TCF4: variants seen among roughly 807,000 people sequenced by gnomAD.
TCF4 encodes the protein SL3-3 enhancer factor 2.
TCF4 carries 3 observed loss-of-function variants against 82.1 expected under a neutral mutation model. The ratio of observed to expected loss-of-function variants is 0.04; its 90% CI spans 0.02 to 0.09. The LOEUF (loss-of-function observed/expected upper bound fraction) is 0.09, where lower values mean the gene tolerates loss of function less well. Among genes scored for constraint, TCF4 ranks in the 10% least tolerant of loss-of-function variants. TCF4 has a pLI of 1.00. For missense variants in TCF4, 518 were observed against 852.7 expected, an observed-to-expected ratio of 0.61 and a Z score of 4.89; for synonymous variants, 276 against 309.6, an observed-to-expected ratio of 0.89 and a Z score of 1.14.
chr18:55,534,187 G>A (rs2097095268), intron 3 of TCF4, among the ~76,000 whole-genome samples: 1 of 152,158 alleles, frequency 6.6e-6, no homozygotes, highest in African/African-American at 2.4e-5. Flanking sequence ...AAAAAGCAAA[G>A]GTGTCACTAT....
intron 5 of TCF4, among the ~76,000 whole-genome samples, chr18:55,426,385 C>A (rs1445549813): frequency 6.6e-6 from 1 of 152,106 alleles, no homozygotes; most frequent in Non-Finnish European, 1.5e-5. Context: ...TTGGGGAAGA[C>A]AGGTGAAGAG....
chr18:55,242,898 G>A (rs550183790), intron 15 of TCF4, among the ~76,000 whole-genome samples: 2 of 152,188 alleles, frequency 1.3e-5, no homozygotes, highest in South Asian at 2.1e-4. Flanking sequence ...CTGAACCACC[G>A]CGCCTAGCCC....
chr18:55,330,575 CT>C (rs1410482582), intron 8 of TCF4, among the ~76,000 whole-genome samples: 1 of 149,028 alleles, frequency 6.7e-6, no homozygotes, highest in African/African-American at 2.5e-5. Context: ...ACTACATTTT[CT>C]TTTTTTTTGA....
chr18:55,249,264 A>G (rs914035928), intron 15 of TCF4, among the ~76,000 whole-genome samples: 11 of 152,226 alleles, frequency 7.2e-5, no homozygotes, highest in African/African-American at 2.7e-4. Flanking sequence ...ATATAATGTC[A>G]GTTAAATAAA....
chr18:55,303,253 A>C (rs989963033), intron 8 of TCF4, among the ~76,000 whole-genome samples: 4 of 145,608 alleles, frequency 2.7e-5, no homozygotes, highest in African/African-American at 1.1e-4. Context: ...ACACACACAC[A>C]CACACACACA....
intron 6 of TCF4, among the ~76,000 whole-genome samples, chr18:55,383,102 T>G (rs921917065): frequency 1.3e-5 from 2 of 152,236 alleles, no homozygotes; most frequent in Non-Finnish European, 2.9e-5. Context: ...GAAATTTCTC[T>G]ATCTACTTGC....
At chr18:55,316,391 T>C (rs927645339) in intron 8 of TCF4, among the ~76,000 whole-genome samples, 1 of 152,150 alleles carries the variant, frequency 6.6e-6, no homozygotes, top group African/African-American at 2.4e-5. Flanking sequence ...GTATTTGACC[T>C]ACAATAGTGA....
chr18:55,249,323 T>A (rs1448902650), intron 15 of TCF4, among the ~76,000 whole-genome samples: 2 of 152,196 alleles, frequency 1.3e-5, no homozygotes, highest in Non-Finnish European at 2.9e-5. Flanking sequence ...CTGCATTTAA[T>A]CCAAAGTAAA....
At chr18:55,347,983 AAT>A (rs1603269317) in intron 8 of TCF4, among the ~76,000 whole-genome samples, 1 of 152,154 alleles carries the variant, frequency 6.6e-6, no homozygotes, top group Non-Finnish European at 1.5e-5. Flanking sequence ...TCTCTTATCA[AAT>A]AGTCATAATT....
chr18:55,614,082 C>T (rs1339819342), intron 2 of TCF4, among the ~76,000 whole-genome samples: 3 of 152,028 alleles, frequency 2.0e-5, no homozygotes, highest in East Asian at 3.9e-4. Context: ...TTTGTAGAGA[C>T]GAGGGTCTCA....
At chr18:55,426,742 T>C (rs999588580) in intron 5 of TCF4, among the ~76,000 whole-genome samples, 2 of 3,184 alleles carry the variant, frequency 6.3e-4, no homozygotes, top group Non-Finnish European at 1.2e-3. Flanking sequence ...CTAAAGAGTA[T>C]GCACAAATTA....
At chr18:55,418,779 T>C in intron 5 of TCF4, among the ~76,000 whole-genome samples, 1 of 152,204 alleles carries the variant, frequency 6.6e-6, no homozygotes, top group East Asian at 1.9e-4. Context: ...ATTAAAAAGA[T>C]ACAGTTTTAC....
intron 10 of TCF4, among the ~76,000 whole-genome samples, chr18:55,272,948 GC>G (rs1295305477): frequency 6.6e-6 from 1 of 152,014 alleles, no homozygotes; most frequent in Non-Finnish European, 1.5e-5. Context: ...GGACTGTTTC[GC>G]CCTGTAGTGC....
At chr18:55,468,879 TCG>T (rs1568135927) in intron 3 of TCF4, among the ~76,000 whole-genome samples, 1 of 28,166 alleles carries the variant, frequency 3.6e-5, no homozygotes, top group Admixed American at 5.5e-4. Flanking sequence ...TATTTAGTTC[TCG>T]CCCCCCCCCC....
chr18:55,479,840 G>C (rs1568173716), intron 3 of TCF4, among the ~76,000 whole-genome samples: 1 of 152,186 alleles, frequency 6.6e-6, no homozygotes, highest in Non-Finnish European at 1.5e-5. Flanking sequence ...TTCCAAAACA[G>C]ACTTCCGTGA....
chr18:55,633,706 C>T lies in TCF4; in HGVS notation c.195+1997G>A, dbSNP rs2097733558. ...TTTTAAGCATTGCAGGCCATATGGT[C>T]TCTGTCACAATAATTCACCTTTGCT... On this transcript the variant is annotated intron_variant, in intron 1 of 20. Coordinates refer to the TCF4 transcript ENST00000398339. This position sits in a 1 kb window ranked among gnomAD's most constrained non-coding sequence, Gnocchi z 4.0. Among the ~76,000 whole-genome samples the T allele has an allele frequency of 1.3e-5, 2 of 151,866 alleles. No individual in the cohort carries two copies.
chr18:55,385,199 G>A (rs888416953), intron 6 of TCF4, among the ~76,000 whole-genome samples: 1 of 152,144 alleles, frequency 6.6e-6, no homozygotes, highest in African/African-American at 2.4e-5. Flanking sequence ...CTGCAGCACA[G>A]AGACAAAACA....
chr18:55,406,927 G>A (rs949598532), intron 5 of TCF4, among the ~76,000 whole-genome samples: 2 of 152,234 alleles, frequency 1.3e-5, no homozygotes, highest in Non-Finnish European at 2.9e-5. Context: ...TGGTGGCAGT[G>A]CCAAGCCCCA....
At chr18:55,572,318 A>C (rs951316103) in intron 3 of TCF4, among the ~76,000 whole-genome samples, 2 of 152,240 alleles carry the variant, frequency 1.3e-5, no homozygotes, top group Non-Finnish European at 2.9e-5. Context: ...ACAGAGAATA[A>C]TAGTGAAAGA....
Sources: gnomAD v4.1 joint callset for allele counts (sites outside exome capture counted in the v4.1 genomes callset) on GRCh38, gnomAD v4.1.1 for gene constraint, Gnocchi (gnomAD v3.1) non-coding constraint, MANE v1.5 for transcripts, NCBI Gene and HGNC (gene_info 2026-07-23, HGNC 2026-07-21) for gene names.